Variants in DENND4A observed in about 807,000 individuals in gnomAD.
DENND4A encodes DENN domain containing 4A.
Under a neutral mutation model 199.3 loss-of-function variants are expected in DENND4A, and 70 were observed. The ratio of observed to expected loss-of-function variants is 0.35; its 90% CI spans 0.29 to 0.43. The LOEUF is 0.43. DENND4A is among the 20% of genes least tolerant of loss of function. The pLI is 1.00. For missense variants in DENND4A, 1,723 were observed against 2,255.8 expected (o/e 0.76, Z 4.78); for synonymous variants, 686 against 766.9 (o/e 0.89, Z 1.74).
chr15:65,709,912 A>G (rs1196842017), intron 14 of DENND4A, among the ~76,000 whole-genome samples: 4 of 151,630 alleles, frequency 2.6e-5, no homozygotes, highest in African/African-American at 4.8e-5. Context: ...TTGGATCTAG[A>G]TTTTGAATAG....
intron 25 of DENND4A, 52 bp downstream of exon 25, chr15:65,671,740 T>C: frequency 8.2e-7 from 1 of 1,214,762 alleles, no homozygotes; most frequent in Non-Finnish European, 1.2e-6. Flanking sequence ...ACTTAAGAAA[T>C]GTGCATTTTA....
rs1213342143 is a variant in DENND4A at position 65,700,601 on chromosome 15, C to T, written c.2776G>A (p.Ala926Thr). 2.6e-6 allele frequency: 4 copies of T among 1,546,062 alleles called. No homozygotes were observed. The highest frequency in any genetic ancestry group is 2.4e-5 in the South Asian group (2 of 83,340). Residue 926 changes from alanine to threonine, a missense_variant, in exon 20 of 33, where the codon GCA becomes ACA. Ala to Thr is a moderately conservative substitution (Grantham distance 58). This residue lies in a region of DENND4A where 650 missense variants were observed against 738.1 expected (regional missense o/e 0.88). Coordinates refer to ENST00000443035, the MANE Select transcript of DENND4A (RefSeq NM_001320835.1). Reference protein sequence around the residue: ...SGHGTHTVEQAPFNTGLIKVY... With the variant: ...SGHGTHTVEQTPFNTGLIKVY... ...TTGATTAAACCCGTATTAAAAGGTGCCTGCTCCACAGTGTGTGTCCCATGA... is the reference window on the plus strand; with the variant it reads ...TTGATTAAACCCGTATTAAAAGGTGTCTGCTCCACAGTGTGTGTCCCATGA...
At chr15:65,712,622 C>T (rs755866545) in intron 14 of DENND4A, among the ~76,000 whole-genome samples, 2 of 152,014 alleles carry the variant, frequency 1.3e-5, no homozygotes, top group East Asian at 3.8e-4. Flanking sequence ...TTATATGACA[C>T]ATTTGGTACA....
At chr15:65,697,206 C>A in intron 21 of DENND4A, 61 bp downstream of exon 21, 3 of 1,047,906 alleles carry the variant, frequency 2.9e-6, no homozygotes, top group South Asian at 1.5e-5. Context: ...ATAAAATCAC[C>A]TGCATTTTCT....
At chr15:65,685,000 A>G (rs984657690) in intron 23 of DENND4A, among the ~76,000 whole-genome samples, 2 of 151,130 alleles carry the variant, frequency 1.3e-5, no homozygotes, top group South Asian at 4.2e-4. Context: ...AATCTTTCGT[A>G]TTTTTAGTAG....
At chr15:65,665,772 T>G (rs2076015749) in intron 29 of DENND4A, among the ~76,000 whole-genome samples, 1 of 152,180 alleles carries the variant, frequency 6.6e-6, no homozygotes. Context: ...AGTCCCATCC[T>G]ATATCATCCA....
intron 14 of DENND4A, among the ~76,000 whole-genome samples, chr15:65,709,748 G>A (rs2075188514): frequency 1.7e-5 from 2 of 120,770 alleles, no homozygotes; most frequent in South Asian, 5.6e-4. Flanking sequence ...ATATAATCTC[G>A]TGACACTTTA....
intron 32 of DENND4A, 55 bp downstream of exon 32, chr15:65,664,275 T>C: frequency 7.0e-6 from 7 of 998,022 alleles, no homozygotes. Flanking sequence ...AAAAATACTT[T>C]GAAAACTATT....
At chr15:65,671,388 A>G (rs1336924786) in intron 25 of DENND4A, among the ~76,000 whole-genome samples, 1 of 152,034 alleles carries the variant, frequency 6.6e-6, no homozygotes, top group East Asian at 1.9e-4. Context: ...TATTTAACTT[A>G]TTATTTTTTC....
intron 1 of DENND4A, among the ~76,000 whole-genome samples, chr15:65,775,108 T>C (rs1349702032): frequency 6.6e-6 from 1 of 152,152 alleles, no homozygotes; most frequent in Non-Finnish European, 1.5e-5. Context: ...TCCAGGCTTA[T>C]ACAGGAAAAA....
intron 3 of DENND4A, among the ~76,000 whole-genome samples, chr15:65,755,533 A>AGGC (rs2076679155): frequency 6.6e-6 from 1 of 152,194 alleles, no homozygotes; most frequent in African/African-American, 2.4e-5. Context: ...TGGGAGGCCA[A>AGGC]GGCAGGAAAA....
chr15:65,756,894 G>A (rs2140685137), intron 2 of DENND4A, among the ~76,000 whole-genome samples: 1 of 152,144 alleles, frequency 6.6e-6, no homozygotes, highest in East Asian at 1.9e-4. Flanking sequence ...AAAATTAGCT[G>A]GGCGTGGTGG....
At chr15:65,688,225 C>T (rs1224938346) in intron 23 of DENND4A, among the ~76,000 whole-genome samples, 1 of 152,134 alleles carries the variant, frequency 6.6e-6, no homozygotes, top group Non-Finnish European at 1.5e-5. Context: ...TGTTTTAATA[C>T]ATTCTATTTC....
At position 65,670,195 on chromosome 15, in the gene DENND4A, G is replaced by C; in HGVS notation, c.4465-7C>G. ...AGCAACTTGAGATGAGAACCTGTGG[G>C]AGAAGATAGCACTTTATAAAGAAAG... On this transcript the variant is annotated splice_polypyrimidine_tract_variant and splice_region_variant and intron_variant, in intron 25 of 32. Transcript: ENST00000443035. The C allele has an allele frequency of 6.7e-7, 1 of 1,501,402 alleles. No homozygotes were observed. The highest frequency in any genetic ancestry group is 1.4e-5 in the South Asian group (1 of 72,966). The allele number at this position is 1,501,402 out of a possible 1,614,324, so 93.0% of individuals were successfully genotyped here. A position where few individuals can be genotyped will look rare whatever the true frequency, so the allele number is the denominator to read the frequency against.
intron 23 of DENND4A, among the ~76,000 whole-genome samples, chr15:65,687,722 T>C (rs1397423322): frequency 6.6e-6 from 1 of 152,228 alleles, no homozygotes; most frequent in Non-Finnish European, 1.5e-5. Flanking sequence ...GAAAAGTGCA[T>C]GGGTACATTC....
At chr15:65,767,133 A>G (rs1353583419) in intron 1 of DENND4A, among the ~76,000 whole-genome samples, 1 of 152,202 alleles carries the variant, frequency 6.6e-6, no homozygotes, top group East Asian at 1.9e-4. Context: ...GTAAATATTT[A>G]CTCAATGGAT....
At position 65,701,219 on chromosome 15, in the gene DENND4A, T is replaced by C. The variant is rs780221298; in HGVS notation, c.2560-27A>G. 6.7e-6 allele frequency: 10 copies of C among 1,490,826 alleles called. 1 individual carries two copies. The highest frequency in any genetic ancestry group is 2.6e-5 in the Admixed American group (1 of 38,492). The allele number at this position is 1,490,826 out of a possible 1,614,324, so 92.3% of individuals were successfully genotyped here. On this transcript the variant is annotated intron_variant, in intron 18 of 32. Transcript: ENST00000443035. The stretch of plus-strand genomic sequence containing the variant: ...TATTCATTCAACAAAATAAAATAAT[T>C]AGTAAAATAATTTTTATAAGTGAAC...
At chr15:65,723,116 T>C (rs1596528035) in intron 11 of DENND4A, among the ~76,000 whole-genome samples, 168 bp from the exon 12 acceptor site, 1 of 152,180 alleles carries the variant, frequency 6.6e-6, no homozygotes, top group Non-Finnish European at 1.5e-5. Context: ...TAAATTGGCA[T>C]GTTGAATATA....
intron 2 of DENND4A, among the ~76,000 whole-genome samples, chr15:65,759,222 T>C (rs1233737755): frequency 6.6e-6 from 1 of 152,292 alleles, no homozygotes; most frequent in East Asian, 1.9e-4. Context: ...CTCACGCCTG[T>C]AATCCCAGCA....
Sources: allele counts gnomAD v4.1 joint callset (sites outside exome capture counted in the v4.1 genomes callset), GRCh38; gene constraint gnomAD v4.1.1; regional missense constraint gnomAD v4.1.1; transcripts MANE v1.5; gene names NCBI Gene and HGNC (gene_info 2026-07-23, HGNC 2026-07-21).